The following NFIA variants were observed in gnomAD, a reference collection of about 807,000 sequenced individuals.
NFIA encodes nuclear factor I A, also known as nuclear factor 1 A-type.
Under a neutral mutation model 62.8 loss-of-function variants are expected in NFIA, and 8 were observed. The observed-to-expected ratio is 0.13, with a 90% CI of 0.07 to 0.23. NFIA has a LOEUF of 0.23. Ranked by LOEUF, NFIA falls within the 10% of genes least tolerant of loss-of-function variation. The pLI is 1.00. For missense variants in NFIA, 410 were observed against 642.1 expected (o/e 0.64, Z 3.91); for synonymous variants, 235 against 238.1 (o/e 0.99, Z 0.12).
Position 61,257,013 on chromosome 1 carries a change from G to A in NFIA, c.560-20507G>A, listed in dbSNP as rs1453634051. Among the ~76,000 whole-genome samples the A allele has an allele frequency of 2.6e-5, 4 of 152,056 alleles. No individual in the cohort carries two copies. The East Asian group carries it at 7.7e-4, about 29-fold the overall frequency. On this transcript the variant is annotated intron_variant, in intron 2 of 10. Transcript: ENST00000403491. ...TTATAATTAAAGGACTACCAGTTGGGTTTTTTGTTTTGTTTTGTTTTGTTG... is the reference window on the plus strand; with the variant it reads ...TTATAATTAAAGGACTACCAGTTGGATTTTTTGTTTTGTTTTGTTTTGTTG...
chr1:61,110,802 C>T (rs1454746165), intron 2 of NFIA, among the ~76,000 whole-genome samples: 1 of 152,046 alleles, frequency 6.6e-6, no homozygotes, highest in Non-Finnish European at 1.5e-5. Flanking sequence ...TTGCTGAGTG[C>T]ACAGATTTCC....
chr1:61,118,543 G>A (rs1646831556), intron 2 of NFIA, among the ~76,000 whole-genome samples: 1 of 151,946 alleles, frequency 6.6e-6, no homozygotes, highest in African/African-American at 2.4e-5. Flanking sequence ...AACAGGCAAG[G>A]TGATAGAGAA....
At chr1:61,087,375 GT>G (rs535915593) in intron 1 of NFIA, among the ~76,000 whole-genome samples, 2 of 149,652 alleles carry the variant, frequency 1.3e-5, no homozygotes, top group South Asian at 2.1e-4. Context: ...GCTTTTCTTT[GT>G]TTTTTTTTCC....
At chr1:61,230,233 T>A (rs1654588767) in intron 2 of NFIA, among the ~76,000 whole-genome samples, 3 of 152,146 alleles carry the variant, frequency 2.0e-5, no homozygotes, top group Admixed American at 6.5e-5. Flanking sequence ...AGAAAAAAGA[T>A]CTCATTCAGG....
chr1:61,373,113 C>G (rs1472517565), intron 6 of NFIA, among the ~76,000 whole-genome samples: 1 of 152,122 alleles, frequency 6.6e-6, no homozygotes, highest in Non-Finnish European at 1.5e-5. Context: ...ACAACGCTAG[C>G]TTCCCACTTT....
intron 2 of NFIA, among the ~76,000 whole-genome samples, chr1:61,170,949 G>T (rs1201158634): frequency 6.6e-6 from 1 of 152,116 alleles, no homozygotes; most frequent in African/African-American, 2.4e-5. Context: ...AATAGAAAAG[G>T]GCAGAAAGTT....
At chr1:61,275,040 G>A (rs1180944702) in intron 2 of NFIA, among the ~76,000 whole-genome samples, 5 of 152,166 alleles carry the variant, frequency 3.3e-5, no homozygotes, top group Non-Finnish European at 7.3e-5. Context: ...GTGCATTTTA[G>A]TATGCAGTCC....
intron 2 of NFIA, among the ~76,000 whole-genome samples, chr1:61,240,973 T>G (rs1225280303): frequency 1.3e-5 from 2 of 151,380 alleles, no homozygotes; most frequent in African/African-American, 4.8e-5. Flanking sequence ...GGGGTTTGTT[T>G]TTTTTTTTTT....
intron 4 of NFIA, among the ~76,000 whole-genome samples, chr1:61,350,430 A>G (rs762016879): frequency 1.3e-5 from 2 of 152,158 alleles, no homozygotes; most frequent in East Asian, 3.9e-4. Context: ...TGGAAGTTCA[A>G]TACCAGCCTG....
intron 2 of NFIA, among the ~76,000 whole-genome samples, chr1:61,212,127 G>A (rs1020042645): frequency 6.6e-6 from 1 of 152,164 alleles, no homozygotes; most frequent in Non-Finnish European, 1.5e-5. Flanking sequence ...AGGGGTGATA[G>A]CATAGGGGCC....
Position 61,426,321 on chromosome 1 carries a change from C to T in NFIA, c.1421-144C>T, listed in dbSNP as rs986521226. On this transcript the variant is annotated intron_variant, in intron 9 of 10. Coordinates refer to ENST00000403491, the MANE Select transcript of NFIA (RefSeq NM_001134673.4). ...TTTTTGACTGTCTGAAATGCCCTTG[C>T]TAGCCAGACCCCTTTGCTAGCTACA... The T allele has an allele frequency of 8.0e-6, 5 of 624,960 alleles. No individual in the cohort carries two copies. In the African/African-American group the frequency reaches 9.1e-5, roughly 11 times the overall value. 38.7% of individuals were successfully genotyped at this position (624,960 alleles called of 1,614,324 possible). A position where few individuals can be genotyped will look rare whatever the true frequency, so the allele number is the denominator to read the frequency against.
intron 9 of NFIA, 145 bp from the exon 10 acceptor site, chr1:61,426,320 G>T (rs991227931): frequency 3.2e-6 from 2 of 622,824 alleles, no homozygotes; most frequent in African/African-American, 3.7e-5. Flanking sequence ...AAATGCCCTT[G>T]CTAGCCAGAC....
At chr1:61,221,218 C>T (rs751373597) in intron 2 of NFIA, among the ~76,000 whole-genome samples, 50 of 151,668 alleles carry the variant, frequency 3.3e-4, no homozygotes, top group Non-Finnish European at 6.3e-4. Context: ...ATAAAAATTA[C>T]ATTCTCTATT....
At chr1:61,200,000 ATATATATATG>A (rs1258608387) in intron 2 of NFIA, among the ~76,000 whole-genome samples, 3 of 100,970 alleles carry the variant, frequency 3.0e-5, no homozygotes, top group African/African-American at 1.1e-4. Flanking sequence ...AACTCACAAA[ATATATATATG>A]TATATATATA....
intron 6 of NFIA, among the ~76,000 whole-genome samples, chr1:61,363,557 T>A (rs542265985): frequency 1.3e-5 from 2 of 150,684 alleles, no homozygotes; most frequent in South Asian, 4.2e-4. Context: ...TGAACCGAGA[T>A]CGTGCCATTG....
In NFIA at chr1:61,406,721, T is replaced by C. The variant is rs1317885453; in HGVS notation, c.1414T>C (p.Ser472Pro). Residue 472 changes from serine (S) to proline (P), a missense_variant, in exon 9 of 11, where the codon TCA becomes CCA. Physicochemically the swap from Ser to Pro is moderately conservative, Grantham distance 74 (BLOSUM62 -1). Coordinates refer to ENST00000403491, the MANE Select transcript of NFIA (RefSeq NM_001134673.4). ...AGAAGGAGGTGCAGCCTCCCCCACG[T>C]CACCAAGTAAGTATGGCTGCGACAA... The part of the protein sequence containing the change: ...STEGGAASPT[S>P]PTYSTPSTSP... 1 of 1,607,766 alleles carries C rather than the reference T, an allele frequency of 6.2e-7. No individual in the cohort carries two copies. Among genetic ancestry groups the C allele is most frequent in the Admixed American group, 1.7e-5 (1 of 59,258 alleles).
intron 2 of NFIA, among the ~76,000 whole-genome samples, chr1:61,186,475 C>T (rs541705265): frequency 1.3e-5 from 2 of 152,230 alleles, no homozygotes; most frequent in South Asian, 2.1e-4. Context: ...TGATGAGAAA[C>T]GCTTCTGTCC....
rs546717263 is a variant in NFIA, at chr1:61,404,301, T to C, written c.1254+19T>C. The C allele has an allele frequency of 6.3e-7, 1 of 1,581,970 alleles. No homozygotes were observed. The highest frequency in any genetic ancestry group is 2.2e-5 in the East Asian group (1 of 44,530). ...CCTCAATGTAAGGAAACCTCTTTTTTTCCATTTCTTTAGAAATGTTAGCCG... is the reference window on the plus strand; with the variant it reads ...CCTCAATGTAAGGAAACCTCTTTTTCTCCATTTCTTTAGAAATGTTAGCCG... On this transcript the variant is annotated intron_variant, in intron 8 of 10. Coordinates refer to ENST00000403491, the MANE Select transcript of NFIA (RefSeq NM_001134673.4).
intron 7 of NFIA, among the ~76,000 whole-genome samples, chr1:61,399,639 A>C (rs1665452090): frequency 1.3e-5 from 2 of 152,186 alleles, no homozygotes; most frequent in African/African-American, 2.4e-5. Context: ...AACTACTGGA[A>C]ATACTAAGAG....
Sources: allele counts gnomAD v4.1 joint callset (sites outside exome capture counted in the v4.1 genomes callset), GRCh38; gene constraint gnomAD v4.1.1; transcripts MANE v1.5; gene names NCBI Gene and HGNC (gene_info 2026-07-23, HGNC 2026-07-21).